The following KCNT1 variants were observed in gnomAD, a reference collection of about 807,000 sequenced individuals.
KCNT1 encodes the protein potassium channel subfamily T member 1.
In KCNT1, 78 loss-of-function variants were observed where a neutral mutation model predicts 147.8. The observed-to-expected ratio is 0.53, with a 90% CI of 0.44 to 0.64. KCNT1 has a LOEUF of 0.64. Among genes scored for constraint, KCNT1 ranks in the 30% least tolerant of loss-of-function variants. The pLI is 0.00. For missense variants in KCNT1, 1,419 were observed against 1,750.3 expected (o/e 0.81, Z 3.38); for synonymous variants, 867 against 748.8 (o/e 1.16, Z -2.58).
chr9:135,737,339 C>T (rs892520380), intron 2 of KCNT1, among the ~76,000 whole-genome samples: 5 of 152,136 alleles, frequency 3.3e-5, no homozygotes, highest in Non-Finnish European at 7.4e-5. Flanking sequence ...CAGCGCCTAC[C>T]CCTCCTTGGC....
chr9:135,707,315 C>A (rs544340244), intron 1 of KCNT1, among the ~76,000 whole-genome samples: 5 of 152,126 alleles, frequency 3.3e-5, no homozygotes, highest in African/African-American at 9.6e-5. Context: ...CAGCCCCCAC[C>A]ACGGCCTCCC....
intron 11 of KCNT1, among the ~76,000 whole-genome samples, chr9:135,764,459 CAAAAA>C (rs750258854): frequency 6.6e-6 from 1 of 151,782 alleles, no homozygotes; most frequent in Non-Finnish European, 1.5e-5. Flanking sequence ...GCCTCCGTCT[CAAAAA>C]AAAGAAAAGC....
In KCNT1 at chr9:135,713,632, G is replaced by A. The variant is rs567009168; in HGVS notation, c.111-945G>A. On this transcript the variant is annotated intron_variant, in intron 1 of 30. Transcript: ENST00000371757. Reference sequence around the variant, plus strand: ...TGGTCAGAGCCTCCTGCCCCTGCCCGTGGGGGAGCCAGCCCCCTCCATCCC... The same window carrying A: ...TGGTCAGAGCCTCCTGCCCCTGCCCATGGGGGAGCCAGCCCCCTCCATCCC... Among the ~76,000 whole-genome samples the A allele has an allele frequency of 1.9e-4, 29 of 152,272 alleles. No individual in the cohort carries two copies. In the East Asian group the frequency reaches 5.0e-3, roughly 26 times the overall value.
intron 2 of KCNT1, among the ~76,000 whole-genome samples, chr9:135,725,188 C>CGG (rs59794363): frequency 3.3e-5 from 5 of 152,028 alleles, no homozygotes; most frequent in African/African-American, 1.2e-4. Context: ...ACACAGCTGC[C>CGG]GGGGGGGACC....
chr9:135,717,686 G>T (rs940962102), intron 2 of KCNT1, among the ~76,000 whole-genome samples: 9 of 152,208 alleles, frequency 5.9e-5, no homozygotes, highest in Admixed American at 5.2e-4. Context: ...AAATTGCCTC[G>T]ACTGGATGTA....
At chr9:135,791,356 A>C (rs1834507373) in intron 29 of KCNT1, 1 of 210,494 alleles carries the variant, frequency 4.8e-6, no homozygotes, top group Admixed American at 5.4e-5. Flanking sequence ...AGACACACAA[A>C]TGTGTGTGGA....
chr9:135,736,139 G>A (rs1419261920), intron 2 of KCNT1, among the ~76,000 whole-genome samples: 1 of 152,146 alleles, frequency 6.6e-6, no homozygotes, highest in African/African-American at 2.4e-5. Context: ...GTGAGGACAG[G>A]CAAACTCAGC....
chr9:135,759,378 G>C (rs1831745118), intron 10 of KCNT1, among the ~76,000 whole-genome samples: 1 of 151,508 alleles, frequency 6.6e-6, no homozygotes, highest in Non-Finnish European at 1.5e-5. Flanking sequence ...GGACCTAGGA[G>C]AGAGCCACCC....
At chr9:135,766,521 C>A (rs1213384434) in intron 13 of KCNT1, among the ~76,000 whole-genome samples, 1 of 151,212 alleles carries the variant, frequency 6.6e-6, no homozygotes, top group Non-Finnish European at 1.5e-5. Context: ...CCATGGTGGA[C>A]CCTCTTGGGT....
chr9:135,729,357 G>A lies in KCNT1; in HGVS notation c.254+14637G>A, dbSNP rs558379507. On this transcript the variant is annotated intron_variant, in intron 2 of 30. Transcript: ENST00000371757. The stretch of plus-strand genomic sequence containing the variant: ...GAGCTGAGAGCAACCCCCTGCCAGC[G>A]GCCAGCAAGAAAGGGGGTCCTCTGT... Among the ~76,000 whole-genome samples the A allele has an allele frequency of 4.3e-4, 65 of 152,352 alleles. 1 individual carries two copies. The highest frequency in any genetic ancestry group is 8.5e-4 in the Non-Finnish European group (58 of 68,020).
Position 135,778,684 on chromosome 9 carries a change from C to T in KCNT1, c.2595-4C>T. The T allele has an allele frequency of 6.8e-6, 11 of 1,613,626 alleles. No individual in the cohort carries two copies. The highest frequency in any genetic ancestry group is 2.2e-5 in the East Asian group (1 of 44,862). On this transcript the variant is annotated splice_region_variant and splice_polypyrimidine_tract_variant and intron_variant, in intron 22 of 30. Coordinates refer to ENST00000371757, the MANE Select transcript of KCNT1 (RefSeq NM_020822.3). ...CAGCCACGGGCCCTCGGTCCCGCCA[C>T]CAGCCTGGACAGCCTGCTGCAGTGT...
intron 13 of KCNT1, among the ~76,000 whole-genome samples, chr9:135,766,339 G>A (rs1832283161): frequency 6.7e-6 from 1 of 148,730 alleles, no homozygotes; most frequent in South Asian, 2.2e-4. Context: ...GCCATTCAGA[G>A]TGAACCATCT....
At chr9:135,722,428 A>T (rs923059215) in intron 2 of KCNT1, among the ~76,000 whole-genome samples, 21 of 152,174 alleles carry the variant, frequency 1.4e-4, no homozygotes, top group African/African-American at 4.8e-4. Flanking sequence ...AGGGGCTGGC[A>T]TCCTCCGCGT....
At position 135,771,227 on chromosome 9, in the gene KCNT1, G is replaced by A. The variant is rs1272214992; in HGVS notation, c.2008+132G>A. Reference sequence around the variant, plus strand: ...GGGGAGGTGACCAGGTGGGACAGGAGACCAGGCAGGACAGGGGCAGGTGAC... The same window carrying A: ...GGGGAGGTGACCAGGTGGGACAGGAAACCAGGCAGGACAGGGGCAGGTGAC... On this transcript the variant is annotated intron_variant, in intron 18 of 30. Transcript: ENST00000371757. 3.8e-6 allele frequency: 3 copies of A among 788,700 alleles called. No homozygotes were observed. In the African/African-American group the frequency reaches 5.2e-5, roughly 14 times the overall value. The allele number at this position is 788,700 out of a possible 1,614,324, so 48.9% of individuals were successfully genotyped here. A position where few individuals can be genotyped will look rare whatever the true frequency, so the allele number is the denominator to read the frequency against.
chr9:135,708,032 C>T (rs497547), intron 1 of KCNT1, among the ~76,000 whole-genome samples: 140,848 of 152,282 alleles, frequency 0.92, 65,218 homozygotes, highest in East Asian at 0.98. Flanking sequence ...TTTTAATCAT[C>T]GTGCAAAGGA....
Position 135,754,028 on chromosome 9 carries a change from C to T in KCNT1, c.491+35C>T, listed in dbSNP as rs367890460. 2.0e-4 allele frequency: 325 copies of T among 1,592,578 alleles called. 3 individuals are homozygous for T. The East Asian group carries it at 5.6e-3, about 28-fold the overall frequency. On this transcript the variant is annotated intron_variant, in intron 5 of 30. Transcript: ENST00000371757. The stretch of plus-strand genomic sequence containing the variant: ...CACTCCAGCTCCCAATAGCCAGGCG[C>T]TCAGAGGCCTGGGACCAGGGTGGGG...
intron 23 of KCNT1, 65 bp from the exon 24 acceptor site, chr9:135,779,294 G>A: frequency 1.0e-6 from 1 of 967,566 alleles, no homozygotes; most frequent in Non-Finnish European, 1.6e-6. Flanking sequence ...CATGATCATG[G>A]GCCCCCACCC....
At chr9:135,723,689 G>A (rs774106348) in intron 2 of KCNT1, among the ~76,000 whole-genome samples, 1 of 152,240 alleles carries the variant, frequency 6.6e-6, no homozygotes, top group Non-Finnish European at 1.5e-5. Flanking sequence ...GGTGTCCGGA[G>A]CATCTAGAGC....
intron 11 of KCNT1, among the ~76,000 whole-genome samples, chr9:135,760,796 T>C (rs1379965650): frequency 1.3e-5 from 2 of 152,208 alleles, no homozygotes; most frequent in Non-Finnish European, 2.9e-5. Flanking sequence ...TGAGTTCAGA[T>C]GGGGCCGTGC....
Sources: allele counts gnomAD v4.1 joint callset (sites outside exome capture counted in the v4.1 genomes callset), GRCh38; gene constraint gnomAD v4.1.1; transcripts MANE v1.5; gene names NCBI Gene and HGNC (gene_info 2026-07-23, HGNC 2026-07-21).